Variants in MAK observed in about 807,000 individuals in gnomAD.
The protein encoded by MAK is serine/threonine-protein kinase MAK.
Under a neutral mutation model 82.6 loss-of-function variants are expected in MAK, and 65 were observed. That is an observed-to-expected ratio of 0.79 (90% CI 0.64 to 0.97). The LOEUF is 0.97. Among genes scored for constraint, MAK ranks in the 50% least tolerant of loss-of-function variants. The probability of loss-of-function intolerance (pLI) is 0.00; values close to 1 mark genes in which losing one functional copy is unlikely to be tolerated. For missense variants in MAK, 703 were observed against 780.2 expected (o/e 0.90, Z 1.18); for synonymous variants, 250 against 274.2 (o/e 0.91, Z 0.87).
chr6:10,789,592 A>C (rs1774901065), intron 10 of MAK, among the ~76,000 whole-genome samples: 4 of 152,222 alleles, frequency 2.6e-5, no homozygotes, highest in Admixed American at 2.0e-4. Flanking sequence ...AACATTAATA[A>C]CTAATACTAA....
intron 2 of MAK, among the ~76,000 whole-genome samples, chr6:10,824,971 G>A (rs1231376501): frequency 1.3e-5 from 2 of 152,182 alleles, no homozygotes; most frequent in Non-Finnish European, 2.9e-5. Flanking sequence ...GAGACTGGAA[G>A]AGTAAATACT....
At chr6:10,833,407 C>T (rs1370251729) in intron 1 of MAK, among the ~76,000 whole-genome samples, 1 of 152,040 alleles carries the variant, frequency 6.6e-6, no homozygotes, top group Non-Finnish European at 1.5e-5. Flanking sequence ...GTGTTTGAGA[C>T]CAGCCTGACC....
chr6:10,814,166 G>A (rs982628163), intron 4 of MAK, among the ~76,000 whole-genome samples: 8 of 151,628 alleles, frequency 5.3e-5, no homozygotes, highest in Non-Finnish European at 1.2e-4. Context: ...ACAGGGTTTC[G>A]CCATGTTGGT....
intron 11 of MAK, chr6:10,779,218 G>T (rs1198066286): frequency 2.2e-6 from 1 of 447,994 alleles, no homozygotes; most frequent in Non-Finnish European, 2.9e-6. Flanking sequence ...CCAGAGTCCC[G>T]GCTCTAGGAG....
chr6:10,812,133 G>A lies in MAK; in HGVS notation c.358+1511C>T, dbSNP rs1049740224. 5.3e-5 allele frequency among the ~76,000 whole-genome samples: 8 copies of A among 152,268 alleles called. No homozygotes were observed. The East Asian group carries it at 9.6e-4, about 18-fold the overall frequency. On this transcript the variant is annotated intron_variant, in intron 5 of 14. Coordinates refer to ENST00000354489, the MANE Select transcript of MAK (RefSeq NM_001242957.3). ...GAGGATCACCTGAGCCCAGGAAGTGGAGGCTGCAGTGAGCCATGATGGCAC... is the reference window on the plus strand; with the variant it reads ...GAGGATCACCTGAGCCCAGGAAGTGAAGGCTGCAGTGAGCCATGATGGCAC...
intron 2 of MAK, among the ~76,000 whole-genome samples, chr6:10,821,956 G>A (rs1282615694): frequency 6.6e-6 from 1 of 150,554 alleles, no homozygotes; most frequent in East Asian, 2.0e-4. Context: ...GACCCTCCTG[G>A]GTAACAGGGT....
At chr6:10,789,169 A>AG (rs1272546245) in intron 10 of MAK, among the ~76,000 whole-genome samples, 2 of 151,966 alleles carry the variant, frequency 1.3e-5, no homozygotes, top group Non-Finnish European at 2.9e-5. Flanking sequence ...AAAGAAAAAA[A>AG]AAAAAAAAAG....
chr6:10,795,974 CA>C, intron 9 of MAK, 23 bp downstream of exon 9: 1 of 1,608,944 alleles, frequency 6.2e-7, no homozygotes, highest in East Asian at 2.2e-5. Context: ...TATTTCATTG[CA>C]AGTGTCATGA....
At chr6:10,813,824 C>T (rs746971949) in intron 4 of MAK, 101 bp from the exon 5 acceptor site, 7 of 764,132 alleles carry the variant, frequency 9.2e-6, no homozygotes, top group Admixed American at 5.1e-5. Context: ...ACTGGCCTCA[C>T]GATACTGGTT....
chr6:10,806,255 A>G (rs965968389), intron 6 of MAK, among the ~76,000 whole-genome samples: 3 of 148,992 alleles, frequency 2.0e-5, no homozygotes, highest in African/African-American at 7.5e-5. Flanking sequence ...GGTCACTGCA[A>G]CCTCCACCTC....
intron 1 of MAK, among the ~76,000 whole-genome samples, chr6:10,834,752 G>C (rs931496444): frequency 1.3e-5 from 2 of 151,952 alleles, no homozygotes; most frequent in Admixed American, 1.3e-4. Context: ...AAGGGAGAAA[G>C]AATCTAGGTG....
intron 2 of MAK, among the ~76,000 whole-genome samples, chr6:10,821,283 A>G (rs1266469806): frequency 1.3e-5 from 2 of 149,760 alleles, no homozygotes; most frequent in African/African-American, 4.9e-5. Flanking sequence ...TCAGAATTTT[A>G]TTTCATTTTT....
intron 5 of MAK, among the ~76,000 whole-genome samples, chr6:10,812,858 C>A (rs545230529): frequency 6.7e-6 from 1 of 149,990 alleles, no homozygotes; most frequent in Non-Finnish European, 1.5e-5. Flanking sequence ...CTGCCTCCTG[C>A]GTTCAAGCGA....
rs965597120 is a variant in MAK, at chr6:10,819,497, T to C, written c.102-557A>G. Among the ~76,000 whole-genome samples the C allele has an allele frequency of 2.0e-5, 3 of 152,120 alleles. No homozygotes were observed. The East Asian group carries it at 5.8e-4, about 29-fold the overall frequency. ...ATACAAAACAATTAGCTGGGCGTGG[T>C]GGCAGGCGCCTGTAGTCCCAGCTAC... On this transcript the variant is annotated intron_variant, in intron 2 of 14. Coordinates refer to ENST00000354489, the MANE Select transcript of MAK (RefSeq NM_001242957.3).
At chr6:10,770,363 C>A in intron 13 of MAK, 133 bp from the exon 14 acceptor site, 2 of 964,490 alleles carry the variant, frequency 2.1e-6, no homozygotes, top group Admixed American at 1.9e-5. Context: ...CTGAGCTGCA[C>A]TTGTTACAGA....
rs1776213308 is a variant in MAK, at chr6:10,803,954, G to C, written c.492-63C>G. On this transcript the variant is annotated intron_variant, in intron 6 of 14. Transcript: ENST00000354489. ...CAATTTCAAAGGTGGATGGGCAGTA[G>C]CATTCTACGCTGTGTGGTCATGCAT... The C allele has an allele frequency of 4.4e-6, 6 of 1,359,304 alleles. 1 individual carries two copies. The Admixed American group carries it at 8.4e-5, about 19-fold the overall frequency. The allele number at this position is 1,359,304 out of a possible 1,614,324, so 84.2% of individuals were successfully genotyped here.
chr6:10,805,764 T>C (rs965914587), intron 6 of MAK, among the ~76,000 whole-genome samples: 5 of 152,202 alleles, frequency 3.3e-5, no homozygotes, highest in African/African-American at 1.2e-4. Flanking sequence ...TTACAAGCTT[T>C]ATTGATATAT....
rs1049095870 is a variant in MAK, at chr6:10,830,407, G to A, written c.101+141C>T. ...TCTCAAACTCCTAACCTCATGATCC[G>A]CCCGCCTCGGCCTCCCAAAGTGCTG... On this transcript the variant is annotated intron_variant, in intron 2 of 14. Transcript: ENST00000354489. The A allele has an allele frequency of 2.5e-5, 17 of 678,922 alleles. No individual in the cohort carries two copies. The highest frequency in any genetic ancestry group is 3.5e-5 in the Non-Finnish European group (13 of 370,008). The allele number at this position is 678,922 out of a possible 1,614,324, so 42.1% of individuals were successfully genotyped here.
In MAK at chr6:10,807,260, T is replaced by TC. The variant is rs547286319; in HGVS notation, c.491+1549dup. Among the ~76,000 whole-genome samples the TC allele has an allele frequency of 4.9e-3, 699 of 143,364 alleles. 2 individuals are homozygous for TC. The highest frequency in any genetic ancestry group is 0.02 in the South Asian group (84 of 4,270). 94.1% of individuals were successfully genotyped at this position (143,364 alleles called of 152,430 possible). A position where few individuals can be genotyped will look rare whatever the true frequency, so the allele number is the denominator to read the frequency against. On this transcript the variant is annotated intron_variant, in intron 6 of 14. Coordinates refer to ENST00000354489, the MANE Select transcript of MAK (RefSeq NM_001242957.3). The stretch of plus-strand genomic sequence containing the variant: ...TGTAACATTCCTTTCTCTCCCCATC[T>TC]CCCCCAACTCCCTGCCCCCTTTCCT...
Sources: allele counts gnomAD v4.1 joint callset (sites outside exome capture counted in the v4.1 genomes callset), GRCh38; gene constraint gnomAD v4.1.1; transcripts MANE v1.5; gene names NCBI Gene and HGNC (gene_info 2026-07-23, HGNC 2026-07-21).